Variants in TAPT1 observed in about 807,000 individuals in gnomAD.
The protein encoded by TAPT1 is transmembrane anterior posterior transformation 1.
In TAPT1, 28 loss-of-function variants were observed where a neutral mutation model predicts 65.6. The observed-to-expected ratio is 0.43, with a 90% CI of 0.32 to 0.59. The LOEUF is 0.59. Among genes scored for constraint, TAPT1 ranks in the 20% least tolerant of loss-of-function variants. TAPT1 has a pLI of 0.09. For synonymous variants in TAPT1, 278 were observed against 245.2 expected (o/e 1.13, Z -1.25); for missense variants, 563 against 679.9 (o/e 0.83, Z 1.91).
intron 1 of TAPT1, among the ~76,000 whole-genome samples, chr4:16,214,840 CT>C (rs1483401403): frequency 6.6e-6 from 1 of 152,170 alleles, no homozygotes; most frequent in African/African-American, 2.4e-5. Context: ...CTGAGCTGGC[CT>C]TGTGGTCCTT....
At chr4:16,214,015 C>T (rs1750791510) in intron 1 of TAPT1, 117 bp from the exon 2 acceptor site, 1 of 750,768 alleles carries the variant, frequency 1.3e-6, no homozygotes, top group Non-Finnish European at 2.0e-6. Flanking sequence ...TAAATGTTAT[C>T]TATAATTCTA....
At chr4:16,180,358 A>G (rs868044829) in intron 7 of TAPT1, among the ~76,000 whole-genome samples, 2 of 152,348 alleles carry the variant, frequency 1.3e-5, no homozygotes, top group Middle Eastern at 6.8e-3. Flanking sequence ...ATACCGTGTA[A>G]CCAAGAAATG....
chr4:16,179,945 G>T (rs1748614025), intron 7 of TAPT1, among the ~76,000 whole-genome samples: 1 of 152,096 alleles, frequency 6.6e-6, no homozygotes, highest in South Asian at 2.1e-4. Flanking sequence ...AAACTGCTCA[G>T]ATGAGGTCAT....
rs755493299 is a variant in TAPT1, at chr4:16,174,207, A to G, written c.1233T>C (p.Val411=). The G allele has an allele frequency of 4.5e-5, 72 of 1,603,584 alleles. No individual in the cohort carries two copies. Among genetic ancestry groups the G allele is most frequent in the Non-Finnish European group, 6.0e-5 (70 of 1,174,594 alleles). ...ACATTAAAAAGTATGCACTTACTAA[A>G]ACAGCTAGTGGGAGAGGAATAAAGC... The part of the protein sequence containing the change: ...RMGFIPLPLA[V]LLIRVVTSSI... Residue 411 remains valine (V), a synonymous_variant, in exon 11 of 14, where the codon GTT becomes GTC. Transcript: ENST00000405303.
intron 2 of TAPT1, among the ~76,000 whole-genome samples, chr4:16,209,874 G>A (rs1750559389): frequency 6.6e-6 from 1 of 152,164 alleles, no homozygotes; most frequent in East Asian, 1.9e-4. Context: ...CACAGAAATG[G>A]ATACAAGAGG....
intron 1 of TAPT1, among the ~76,000 whole-genome samples, chr4:16,215,320 A>C (rs1002481142): frequency 2.0e-5 from 3 of 151,690 alleles, no homozygotes; most frequent in Non-Finnish European, 4.4e-5. Context: ...ATATATATAT[A>C]TCTCCTTAAA....
At chr4:16,206,729 G>A (rs1347716789) in intron 2 of TAPT1, among the ~76,000 whole-genome samples, 1 of 152,154 alleles carries the variant, frequency 6.6e-6, no homozygotes, top group Non-Finnish European at 1.5e-5. Flanking sequence ...GAAAGACAGA[G>A]AAGAGAAATT....
At chr4:16,175,000 G>A in intron 9 of TAPT1, 1 of 261,790 alleles carries the variant, frequency 3.8e-6, no homozygotes, top group Non-Finnish European at 7.1e-6. Flanking sequence ...TGAGAGTTTA[G>A]AATTTGGGGA....
Position 16,176,210 on chromosome 4 carries a change from A to C in TAPT1, c.1016T>G (p.Phe339Cys), listed in dbSNP as rs1163575186. 1.3e-6 allele frequency: 2 copies of C among 1,561,320 alleles called. No homozygotes were observed. The highest frequency in any genetic ancestry group is 4.6e-5 in the East Asian group (2 of 43,536). The change falls in exon 9 of 14, where the codon TTT becomes TGT. Residue 339 changes from phenylalanine to cysteine, a missense_variant. Transcript: ENST00000405303. ...TGCAATTACCATACAGACATCTGGAAACAACACCCAGAGATGATCTGTAAA... is the reference window on the plus strand; with the variant it reads ...TGCAATTACCATACAGACATCTGGACACAACACCCAGAGATGATCTGTAAA... ...SWNPDHLWVL[F>C]PDVCMVIASE... is the part of the protein sequence containing the mutation.
At chr4:16,188,098 C>T (rs1232043445) in intron 5 of TAPT1, 122 bp downstream of exon 5, 2 of 804,790 alleles carry the variant, frequency 2.5e-6, no homozygotes, top group Admixed American at 3.0e-5. Context: ...AAATATTTCA[C>T]ATTAATCTTC....
chr4:16,226,400 C>A lies in TAPT1; in HGVS notation c.58G>T (p.Gly20Cys). ...PGEGGGGGVD[G>C]PQRDGRGEAE... ...TCGCCGCGGCCGTCCCGCTGCGGGC[C>A]GTCCACGCCGCCACCGCCGCCTTCT... Residue 20 changes from glycine (G) to cysteine (C), a missense_variant, in exon 1 of 14, where the codon GGC becomes TGC. Coordinates refer to ENST00000405303, the MANE Select transcript of TAPT1 (RefSeq NM_153365.3). 9.1e-7 allele frequency: 1 copy of A among 1,093,522 alleles called. No homozygotes were observed. Among genetic ancestry groups the A allele is most frequent in the Non-Finnish European group, 1.1e-6 (1 of 900,718 alleles). The allele number at this position is 1,093,522 out of a possible 1,614,324, so 67.7% of individuals were successfully genotyped here. A position where few individuals can be genotyped will look rare whatever the true frequency, so the allele number is the denominator to read the frequency against.
At position 16,202,487 on chromosome 4, in the gene TAPT1, G is replaced by A. The variant is rs370237480; in HGVS notation, c.424C>T (p.Leu142Phe). 3 of 1,550,480 alleles carry A rather than the reference G, an allele frequency of 1.9e-6. No individual in the cohort carries two copies. The highest frequency in any genetic ancestry group is 2.7e-5 in the African/African-American group (2 of 72,936). The change falls in exon 3 of 14, where the codon CTC becomes TTC. Residue 142 changes from leucine (L) to phenylalanine (F), a missense_variant. Physicochemically the swap from Leu to Phe is conservative, Grantham distance 22. This residue lies in a region of TAPT1 where 217 missense variants were observed against 317.5 expected (regional missense o/e 0.68). Transcript: ENST00000405303. The stretch of plus-strand genomic sequence containing the variant: ...CTTAAGCCATAGCAAGGCAAAGTGA[G>A]GAGCCTGAATAGTGCCAGGAAAACT... ...LRVFLALFRLLTLPCYGLRDR... is the reference protein window; with the variant it reads ...LRVFLALFRLFTLPCYGLRDR...
At chr4:16,179,392 C>A in intron 8 of TAPT1, 185 bp downstream of exon 8, 1 of 468,276 alleles carries the variant, frequency 2.1e-6, no homozygotes, top group East Asian at 3.8e-5. Flanking sequence ...GGACCACCAT[C>A]GTATATGTGG....
At chr4:16,166,227 G>T (rs1057225676) in intron 13 of TAPT1, among the ~76,000 whole-genome samples, 1 of 152,204 alleles carries the variant, frequency 6.6e-6, no homozygotes, top group Non-Finnish European at 1.5e-5. Context: ...CTCACACTTG[G>T]GGGAGGGCCC....
intron 7 of TAPT1, among the ~76,000 whole-genome samples, chr4:16,181,470 C>T (rs1748706385): frequency 6.6e-6 from 1 of 152,104 alleles, no homozygotes; most frequent in Admixed American, 6.6e-5. Context: ...GATTTTTGGA[C>T]ATATGGCAGC....
At chr4:16,192,151 T>C (rs1749415149) in intron 3 of TAPT1, among the ~76,000 whole-genome samples, 1 of 152,218 alleles carries the variant, frequency 6.6e-6, no homozygotes, top group African/African-American at 2.4e-5. Context: ...AATTCCAAGG[T>C]TATATTCACT....
chr4:16,219,741 TAAAC>T (rs1751142911), intron 1 of TAPT1, among the ~76,000 whole-genome samples: 2 of 152,314 alleles, frequency 1.3e-5, no homozygotes, highest in African/African-American at 4.8e-5. Context: ...TCATGAGAGT[TAAAC>T]AGAGCAATTA....
upstream of TAPT1, chr4:16,226,619 C>G (rs1294756301): frequency 6.9e-6 from 2 of 289,724 alleles, no homozygotes; most frequent in East Asian, 3.4e-4. Context: ...GTCAGCGACG[C>G]GTGTGAGGCC....
intron 1 of TAPT1, among the ~76,000 whole-genome samples, chr4:16,222,233 G>C (rs1216548248): frequency 1.3e-5 from 2 of 152,176 alleles, no homozygotes; most frequent in Non-Finnish European, 2.9e-5. Context: ...CTAAGTTAAA[G>C]TTAAAAACTG....
Sources: gnomAD v4.1 joint callset for allele counts (sites outside exome capture counted in the v4.1 genomes callset) on GRCh38, gnomAD v4.1.1 for gene constraint, gnomAD v4.1.1 regional missense constraint, MANE v1.5 for transcripts, NCBI Gene and HGNC (gene_info 2026-07-23, HGNC 2026-07-21) for gene names.